The following STOX2 variants were observed in gnomAD, a reference collection of about 807,000 sequenced individuals.
STOX2 encodes the protein storkhead-box protein 2.
STOX2 carries 28 observed loss-of-function variants against 60.9 expected under a neutral mutation model. The observed-to-expected ratio is 0.46, with a 90% CI of 0.34 to 0.63. The LOEUF (loss-of-function observed/expected upper bound fraction) is 0.63. Among genes scored for constraint, STOX2 ranks in the 30% least tolerant of loss-of-function variants. STOX2 has a pLI of 0.01. For missense variants in STOX2, 1,024 were observed against 1,187.7 expected (o/e 0.86, Z 2.03); for synonymous variants, 472 against 463.9 (o/e 1.02, Z -0.22).
intron 1 of STOX2, among the ~76,000 whole-genome samples, chr4:183,994,772 C>A (rs555949141): frequency 1.3e-5 from 2 of 152,198 alleles, no homozygotes; most frequent in African/African-American, 4.8e-5. Context: ...TAAACTAGTA[C>A]AGTTTCAGAA....
At chr4:183,968,304 TAAA>T (rs1196541348) in intron 1 of STOX2, among the ~76,000 whole-genome samples, 1 of 147,872 alleles carries the variant, frequency 6.8e-6, no homozygotes, top group Non-Finnish European at 1.5e-5. Context: ...ATTACTGCAT[TAAA>T]AAAGAAGACA....
chr4:183,949,947 A>G (rs1423899338), intron 1 of STOX2, among the ~76,000 whole-genome samples: 1 of 152,014 alleles, frequency 6.6e-6, no homozygotes, highest in African/African-American at 2.4e-5. Context: ...TTTTCTCACA[A>G]TGTCCCCCTG....
rs1178320381 is a variant in STOX2, at chr4:184,018,185, T to C, written c.*901T>C. 6.6e-6 allele frequency: 1 copy of C among 152,212 alleles called. No individual in the cohort carries two copies. Among genetic ancestry groups the C allele is most frequent in the Non-Finnish European group, 1.5e-5 (1 of 68,028 alleles). 9.4% of individuals were successfully genotyped at this position (152,212 alleles called of 1,614,324 possible). On this transcript the variant is annotated 3_prime_UTR_variant, in exon 4 of 4. Coordinates refer to ENST00000308497, the MANE Select transcript of STOX2 (RefSeq NM_020225.3). The stretch of plus-strand genomic sequence containing the variant: ...TGTGATACTTAGGATGACCCTATCT[T>C]ACTCTAATAGATACAATAATTAGTT...
chr4:183,969,879 C>T (rs1365679026), intron 1 of STOX2, among the ~76,000 whole-genome samples: 1 of 152,162 alleles, frequency 6.6e-6, no homozygotes, highest in Admixed American at 6.5e-5. Flanking sequence ...ACCTCAATCT[C>T]CCAAAGTGCT....
At chr4:183,924,682 A>C (rs1227854171) in intron 1 of STOX2, among the ~76,000 whole-genome samples, 1 of 152,056 alleles carries the variant, frequency 6.6e-6, no homozygotes, top group Non-Finnish European at 1.5e-5. Flanking sequence ...AGGGTGGAAA[A>C]TGGATTGTAG....
At chr4:184,004,442 A>G (rs968651305) in intron 2 of STOX2, among the ~76,000 whole-genome samples, 5 of 152,148 alleles carry the variant, frequency 3.3e-5, no homozygotes, top group Admixed American at 2.6e-4. Flanking sequence ...TACTAAAAAT[A>G]CAAAAAAATT....
intron 1 of STOX2, among the ~76,000 whole-genome samples, chr4:183,912,904 G>A (rs1741821921): frequency 6.6e-6 from 1 of 152,214 alleles, no homozygotes; most frequent in Admixed American, 6.5e-5. Context: ...TGTATGCTAA[G>A]ATCCTACTTT....
At chr4:183,944,153 T>C (rs1742825709) in intron 1 of STOX2, among the ~76,000 whole-genome samples, 1 of 152,230 alleles carries the variant, frequency 6.6e-6, no homozygotes, top group Non-Finnish European at 1.5e-5. Flanking sequence ...TAGCTGACAA[T>C]GTAAGTCAGG....
intron 1 of STOX2, among the ~76,000 whole-genome samples, chr4:183,870,649 GT>G (rs1349208722): frequency 6.6e-6 from 1 of 152,154 alleles, no homozygotes; most frequent in Admixed American, 6.5e-5. Flanking sequence ...AATATACTTA[GT>G]AATAAAAATC....
upstream of STOX2, among the ~76,000 whole-genome samples, chr4:183,901,722 T>A (rs1741465613): frequency 6.6e-6 from 1 of 152,142 alleles, no homozygotes; most frequent in Non-Finnish European, 1.5e-5. Context: ...TACTGGCCAT[T>A]TGGATATGTT....
intron 1 of STOX2, among the ~76,000 whole-genome samples, chr4:183,807,035 C>G (rs373110721): frequency 9.2e-5 from 14 of 152,082 alleles, no homozygotes; most frequent in East Asian, 7.8e-4. Context: ...TGCAGTGGCG[C>G]GATCTCGGCT....
rs2111252569 is a variant in STOX2, at chr4:184,011,517, G to C, written c.2585+94G>C. 6.3e-7 allele frequency: 1 copy of C among 1,581,060 alleles called. No homozygotes were observed. Among genetic ancestry groups the C allele is most frequent in the Admixed American group, 1.8e-5 (1 of 55,444 alleles). On this transcript the variant is annotated intron_variant, in intron 3 of 3. Transcript: ENST00000308497. The surrounding 1 kb of genome is among the most constrained non-coding windows in gnomAD (Gnocchi z 4.4). ...ACAAGTTTCTGATTTCGTAGTCTCA[G>C]TTCTATGGATGAGGGTTAAGAGTTG...
In STOX2 at chr4:183,905,378, A is replaced by G. The variant is rs930700680; in HGVS notation, c.-1413A>G. ...AATGCAGCGTAGCGGGCTGGCGGTG[A>G]CTTACACCGGGACTCCAGAGGGAGA... is the stretch of plus-strand genomic sequence containing the variant. On this transcript the variant is annotated 5_prime_UTR_variant, in exon 1 of 4. Coordinates refer to ENST00000308497, the MANE Select transcript of STOX2 (RefSeq NM_020225.3). 6.6e-6 allele frequency: 1 copy of G among 152,418 alleles called. No homozygotes were observed. The highest frequency in any genetic ancestry group is 2.4e-5 in the African/African-American group (1 of 41,476). 9.4% of individuals were successfully genotyped at this position (152,418 alleles called of 1,614,324 possible).
chr4:183,891,902 G>T (rs1255483295), intron 1 of STOX2, among the ~76,000 whole-genome samples: 1 of 152,096 alleles, frequency 6.6e-6, no homozygotes, highest in Non-Finnish European at 1.5e-5. Context: ...TTAATGAATC[G>T]CCAGGCACTA....
chr4:183,951,295 G>T (rs151036061), intron 1 of STOX2, among the ~76,000 whole-genome samples: 4 of 152,114 alleles, frequency 2.6e-5, no homozygotes, highest in African/African-American at 9.6e-5. Context: ...GGCACTTTAG[G>T]AGCTCATTCT....
At chr4:184,000,707 A>G (rs1733550260) in intron 1 of STOX2, among the ~76,000 whole-genome samples, 1 of 152,080 alleles carries the variant, frequency 6.6e-6, no homozygotes, top group Admixed American at 6.5e-5. Context: ...CCTGCTTCTG[A>G]GCCCCACCCT....
At chr4:183,943,641 G>A (rs1037947108) in intron 1 of STOX2, among the ~76,000 whole-genome samples, 6 of 152,190 alleles carry the variant, frequency 3.9e-5, no homozygotes, top group African/African-American at 1.4e-4. Flanking sequence ...AGAAATCTCA[G>A]GCCAAGGCAG....
intron 1 of STOX2, among the ~76,000 whole-genome samples, chr4:183,952,710 C>T (rs1436519858): frequency 6.6e-6 from 1 of 152,182 alleles, no homozygotes; most frequent in Non-Finnish European, 1.5e-5. Flanking sequence ...AGGTGCATGT[C>T]ACATTAGTTT....
intron 1 of STOX2, among the ~76,000 whole-genome samples, chr4:183,949,433 C>T (rs1579455066): frequency 6.6e-6 from 1 of 152,176 alleles, no homozygotes; most frequent in Non-Finnish European, 1.5e-5. Flanking sequence ...GGCGTGGTGG[C>T]TCATGCCTGT....
Sources: gnomAD v4.1 joint callset for allele counts (sites outside exome capture counted in the v4.1 genomes callset) on GRCh38, gnomAD v4.1.1 for gene constraint, Gnocchi (gnomAD v3.1) non-coding constraint, MANE v1.5 for transcripts, NCBI Gene and HGNC (gene_info 2026-07-23, HGNC 2026-07-21) for gene names.